The following ITGA1 variants were observed in gnomAD, a reference collection of about 807,000 sequenced individuals.
The protein encoded by ITGA1 is integrin alpha-1.
Under a neutral mutation model 145.9 loss-of-function variants are expected in ITGA1, and 85 were observed. The ratio of observed to expected loss-of-function variants is 0.58; its 90% confidence interval spans 0.49 to 0.70. The LOEUF is 0.70. ITGA1 is among the 30% of genes least tolerant of loss of function. The pLI is 0.00. For synonymous variants in ITGA1, 520 were observed against 495.3 expected (o/e 1.05, Z -0.66); for missense variants, 1,351 against 1,418.7 (o/e 0.95, Z 0.77).
intron 1 of ITGA1, chr5:52,800,389 T>A: frequency 1.2e-6 from 2 of 1,613,780 alleles, no homozygotes; most frequent in Non-Finnish European, 1.7e-6. Flanking sequence ...AGCCCCTTCC[T>A]TGGCCATGAA....
intron 1 of ITGA1, among the ~76,000 whole-genome samples, chr5:52,797,247 T>C (rs1166044565): frequency 6.6e-6 from 1 of 152,052 alleles, no homozygotes; most frequent in Non-Finnish European, 1.5e-5. Context: ...AAAGATTTTA[T>C]AGTATACTGA....
At chr5:52,829,758 A>ATT (rs918966182) in intron 1 of ITGA1, among the ~76,000 whole-genome samples, 34 of 152,142 alleles carry the variant, frequency 2.2e-4, no homozygotes, top group African/African-American at 7.7e-4. Context: ...TCCAGAAGAC[A>ATT]TTTTTTTGTG....
chr5:52,937,829 T>C (rs1275659), intron 24 of ITGA1, among the ~76,000 whole-genome samples: 34,321 of 152,070 alleles, frequency 0.23, 3,987 homozygotes, highest in East Asian at 0.26. Flanking sequence ...CTCATGCTGT[T>C]TTCCTAGCTT....
At chr5:52,920,553 C>A in intron 17 of ITGA1, 85 bp downstream of exon 17, 1 of 1,134,462 alleles carries the variant, frequency 8.8e-7, no homozygotes, top group South Asian at 2.3e-5. Context: ...CAAATTCTTA[C>A]TGTTTTATTT....
intron 1 of ITGA1, among the ~76,000 whole-genome samples, chr5:52,830,151 A>G (rs889516301): frequency 1.3e-5 from 2 of 152,202 alleles, no homozygotes; most frequent in East Asian, 3.8e-4. Context: ...CAATTTTAGT[A>G]TCAGAACACA....
chr5:52,801,964 T>A (rs931775998), intron 1 of ITGA1: 1 of 670,574 alleles, frequency 1.5e-6, no homozygotes, highest in Non-Finnish European at 2.5e-6. Flanking sequence ...ATTTCTTATG[T>A]CTTTGGCTAC....
intron 1 of ITGA1, among the ~76,000 whole-genome samples, chr5:52,819,113 G>C (rs1294237640): frequency 6.6e-6 from 1 of 152,154 alleles, no homozygotes; most frequent in Non-Finnish European, 1.5e-5. Flanking sequence ...ACACACGTGT[G>C]CATGTGTCTT....
intron 1 of ITGA1, among the ~76,000 whole-genome samples, chr5:52,841,768 G>A (rs6877768): frequency 0.56 from 85,479 of 152,078 alleles, 25,809 homozygotes; most frequent in African/African-American, 0.79. Context: ...AATTTAGTAG[G>A]TAAAAGTAAA....
intron 6 of ITGA1, among the ~76,000 whole-genome samples, chr5:52,879,868 C>A (rs1749928029): frequency 1.3e-5 from 2 of 152,146 alleles, no homozygotes; most frequent in African/African-American, 4.8e-5. Flanking sequence ...GATGATGTAA[C>A]CTCATCTTAC....
Position 52,944,994 on chromosome 5 carries a change from A to G in ITGA1, c.3337A>G (p.Asn1113Asp), listed in dbSNP as rs1320861597. 6.2e-7 allele frequency: 1 copy of G among 1,613,460 alleles called. No homozygotes were observed. Among genetic ancestry groups the G allele is most frequent in the Non-Finnish European group, 8.5e-7 (1 of 1,179,758 alleles). ...LTIRGELRSE[N>D]ASLVLSSSNQ... ...TATAAGGGGAGAACTTCGGAGTGAA[A>G]ATGCATCTCTGGTTTTAAGTAGCAG... Residue 1113 changes from asparagine (N) to aspartate (D), a missense_variant, in exon 27 of 29, where the codon AAT becomes GAT. Asn to Asp is a conservative substitution (Grantham distance 23). Coordinates refer to ENST00000282588, the MANE Select transcript of ITGA1 (RefSeq NM_181501.2).
intron 1 of ITGA1, among the ~76,000 whole-genome samples, chr5:52,808,686 T>TTTC (rs1554041036): frequency 6.9e-6 from 1 of 144,934 alleles, no homozygotes; most frequent in East Asian, 2.0e-4. Flanking sequence ...CTTTTTTTTT[T>TTTC]TTTTTTTTTT....
chr5:52,918,848 T>C lies in ITGA1; in HGVS notation c.2105T>C (p.Val702Ala). 4 of 1,604,680 alleles carry C rather than the reference T, an allele frequency of 2.5e-6. No individual in the cohort carries two copies. In the South Asian group the frequency reaches 4.5e-5, roughly 18 times the overall value. Residue 702 changes from valine to alanine, a missense_variant, in exon 16 of 29, where the codon GTG becomes GCG. Val to Ala is a moderately conservative substitution (Grantham distance 64). Transcript: ENST00000282588. Reference protein sequence around the residue: ...GKETVCINATVCFDVKLKSKE... With the variant: ...GKETVCINATACFDVKLKSKE... Reference sequence around the variant, plus strand: ...GAAACAGTATGCATAAATGCTACAGTGTGTTTTGATGTGAAATTAAAGTCT... The same window carrying C: ...GAAACAGTATGCATAAATGCTACAGCGTGTTTTGATGTGAAATTAAAGTCT...
intron 1 of ITGA1, among the ~76,000 whole-genome samples, chr5:52,836,714 G>A (rs1749167850): frequency 6.6e-6 from 1 of 152,030 alleles, no homozygotes; most frequent in African/African-American, 2.4e-5. Context: ...TTTAGAGCAT[G>A]TATAAAGATA....
intron 28 of ITGA1, among the ~76,000 whole-genome samples, chr5:52,948,214 T>C (rs1751163312): frequency 6.6e-6 from 1 of 152,214 alleles, no homozygotes; most frequent in South Asian, 2.1e-4. Flanking sequence ...ATAAGTTGAA[T>C]AGAGAATAAC....
intron 13 of ITGA1, among the ~76,000 whole-genome samples, chr5:52,909,683 T>C (rs1257419516): frequency 1.3e-5 from 2 of 148,724 alleles, no homozygotes; most frequent in Admixed American, 6.6e-5. Context: ...GGCTTCCTCC[T>C]GTCAACTTTT....
At position 52,826,998 on chromosome 5, in the gene ITGA1, C is replaced by A. The variant is rs183639835; in HGVS notation, c.62-22367C>A. Among the ~76,000 whole-genome samples the A allele has an allele frequency of 1.3e-4, 20 of 151,896 alleles. 1 individual carries two copies. Among genetic ancestry groups the A allele is most frequent in the African/African-American group, 4.8e-4 (20 of 41,400 alleles). Reference sequence around the variant, plus strand: ...AGAAATACATTTCATAAGACTATAGCTGTCATAGATAGTGATTCCTCTGAT... The same window carrying A: ...AGAAATACATTTCATAAGACTATAGATGTCATAGATAGTGATTCCTCTGAT... On this transcript the variant is annotated intron_variant, in intron 1 of 28. Coordinates refer to ENST00000282588, the MANE Select transcript of ITGA1 (RefSeq NM_181501.2).
chr5:52,831,330 C>T (rs1401839861), intron 1 of ITGA1, among the ~76,000 whole-genome samples: 1 of 152,014 alleles, frequency 6.6e-6, no homozygotes, highest in Non-Finnish European at 1.5e-5. Flanking sequence ...GATGGGGTTT[C>T]ACCATGTTGG....
chr5:52,937,370 G>C, intron 23 of ITGA1, 31 bp from the exon 24 acceptor site: 1 of 1,378,826 alleles, frequency 7.3e-7, no homozygotes, highest in Non-Finnish European at 1.0e-6. Context: ...AAAAGAGGAA[G>C]AAAGATTACA....
At position 52,952,437 on chromosome 5, in the gene ITGA1, A is replaced by C; in HGVS notation, c.3526A>C (p.Lys1176Gln). 7.1e-7 allele frequency: 1 copy of C among 1,399,934 alleles called. No individual in the cohort carries two copies. 86.7% of individuals were successfully genotyped at this position (1,399,934 alleles called of 1,614,324 possible). Reference protein sequence around the residue: ...IGFFKRPLKKKMEK With the variant: ...IGFFKRPLKKQMEK ...ATTCTTCAAAAGACCACTGAAAAAG[A>C]AAATGGAGAAATGAAATATTTTATG... Residue 1176 changes from lysine (K) to glutamine (Q), a missense_variant, in exon 29 of 29, where the codon AAA becomes CAA. Coordinates refer to ENST00000282588, the MANE Select transcript of ITGA1 (RefSeq NM_181501.2).
Sources: gnomAD v4.1 joint callset for allele counts (sites outside exome capture counted in the v4.1 genomes callset) on GRCh38, gnomAD v4.1.1 for gene constraint, MANE v1.5 for transcripts, NCBI Gene and HGNC (gene_info 2026-07-23, HGNC 2026-07-21) for gene names.